C12orf54: variants seen among roughly 807,000 people sequenced by gnomAD.
C12orf54 encodes chromosome 12 open reading frame 54.
Under a neutral mutation model 26.4 loss-of-function variants are expected in C12orf54, and 24 were observed. That is an observed-to-expected ratio of 0.91 (90% CI 0.66 to 1.28). The LOEUF is 1.28. Among genes scored for constraint, C12orf54 ranks in the 50% most tolerant of loss-of-function variants. The pLI is 0.00. For synonymous variants in C12orf54, 54 were observed against 47.0 expected (o/e 1.15, Z -0.61); for missense variants, 154 against 150.9 (o/e 1.02, Z -0.11).
the C12orf54 span, among the ~76,000 whole-genome samples, chr12:48,467,395 C>CA: frequency 9.2e-5 from 14 of 152,060 alleles, no homozygotes; most frequent in Admixed American, 2.6e-4. Flanking sequence ...AATTTTGTGG[C>CA]AATTTGTTAT....
the C12orf54 span, among the ~76,000 whole-genome samples, chr12:48,436,475 C>A: frequency 9.2e-5 from 14 of 152,130 alleles, no homozygotes; most frequent in Admixed American, 2.0e-4. Flanking sequence ...AGCACCACAC[C>A]ACACCTATTC....
the C12orf54 span, among the ~76,000 whole-genome samples, chr12:48,462,974 C>T: frequency 6.6e-6 from 1 of 151,936 alleles, no homozygotes; most frequent in East Asian, 1.9e-4. Context: ...TCATAGACAA[C>T]ATGATCATCT....
At chr12:48,429,532 G>A in the C12orf54 span, among the ~76,000 whole-genome samples, 1 of 151,566 alleles carries the variant, frequency 6.6e-6, no homozygotes, top group African/African-American at 2.4e-5. Context: ...CAGCAACCAA[G>A]CAGAGAATCA....
At chr12:48,488,362 C>T in intron 4 of C12orf54, 1 of 508,076 alleles carries the variant, frequency 2.0e-6, no homozygotes, top group Admixed American at 2.4e-5. Context: ...GACAAGAAAG[C>T]CAAGGCTGGG....
At chr12:48,485,899 G>A (rs183177996) in intron 2 of C12orf54, among the ~76,000 whole-genome samples, 5 of 152,206 alleles carry the variant, frequency 3.3e-5, no homozygotes, top group Admixed American at 3.3e-4. Flanking sequence ...AGAATGACAA[G>A]GTTTAATGAC....
the C12orf54 span, among the ~76,000 whole-genome samples, chr12:48,436,015 T>A: frequency 1.8e-4 from 28 of 152,064 alleles, no homozygotes; most frequent in African/African-American, 6.8e-4. Flanking sequence ...AGGAAACCCA[T>A]CTCACATGCA....
At chr12:48,419,796 C>T in the C12orf54 span, among the ~76,000 whole-genome samples, 2 of 152,174 alleles carry the variant, frequency 1.3e-5, no homozygotes, top group Non-Finnish European at 2.9e-5. Context: ...GACCCATTAA[C>T]AAATGCCCCA....
At chr12:48,459,800 T>A in the C12orf54 span, among the ~76,000 whole-genome samples, 10,541 of 152,132 alleles carry the variant, frequency 0.069, 1,224 homozygotes, top group African/African-American at 0.24. Flanking sequence ...TCCAGCAGAA[T>A]CGCACAGGAA....
the C12orf54 span, among the ~76,000 whole-genome samples, chr12:48,440,286 C>T: frequency 1.3e-5 from 2 of 152,054 alleles, no homozygotes; most frequent in East Asian, 3.9e-4. Flanking sequence ...TGTCCTTGTT[C>T]TCTTTGAGTT....
At chr12:48,436,668 C>T in the C12orf54 span, among the ~76,000 whole-genome samples, 9 of 152,018 alleles carry the variant, frequency 5.9e-5, no homozygotes, top group South Asian at 2.1e-4. Flanking sequence ...GGGTACATAA[C>T]GAAATCAAGG....
the C12orf54 span, among the ~76,000 whole-genome samples, chr12:48,414,647 C>G: frequency 6.6e-6 from 1 of 152,132 alleles, no homozygotes; most frequent in Non-Finnish European, 1.5e-5. Context: ...CAGGCTGGCC[C>G]TTGGAGAAGG....
Position 48,491,649 on chromosome 12 carries a change from G to C in C12orf54, c.193+813G>C, listed in dbSNP as rs1257562022. 2.0e-5 allele frequency among the ~76,000 whole-genome samples: 3 copies of C among 152,126 alleles called. No homozygotes were observed. The East Asian group carries it at 5.8e-4, about 29-fold the overall frequency. ...ATAGAATGGCAGGGAGGCTAGAATGGAATGATTATTCTGGGTGGTCAAGTT... is the reference window on the plus strand; with the variant it reads ...ATAGAATGGCAGGGAGGCTAGAATGCAATGATTATTCTGGGTGGTCAAGTT... On this transcript the variant is annotated intron_variant, in intron 6 of 8. Coordinates refer to ENST00000548364, the MANE Select transcript of C12orf54 (RefSeq NM_152319.4).
At chr12:48,492,792 C>T in intron 6 of C12orf54, 155 bp from the exon 7 acceptor site, 1 of 638,230 alleles carries the variant, frequency 1.6e-6, no homozygotes, top group Admixed American at 2.3e-5. Context: ...CATTCTGCAA[C>T]TGCCTCTCTG....
the C12orf54 span, among the ~76,000 whole-genome samples, chr12:48,467,585 A>G: frequency 6.6e-6 from 1 of 152,178 alleles, no homozygotes; most frequent in Non-Finnish European, 1.5e-5. Context: ...GAAAATACAT[A>G]ACATTCTATT....
At chr12:48,444,752 T>C in the C12orf54 span, among the ~76,000 whole-genome samples, 2 of 152,162 alleles carry the variant, frequency 1.3e-5, no homozygotes, top group Admixed American at 6.5e-5. Context: ...ATACAATCAG[T>C]TGGAGTCAGC....
chr12:48,487,629 T>C (rs903607388), intron 4 of C12orf54, among the ~76,000 whole-genome samples: 4 of 152,194 alleles, frequency 2.6e-5, no homozygotes, highest in African/African-American at 9.7e-5. Flanking sequence ...ATCAGGCACT[T>C]ATAACAAAGA....
chr12:48,478,092 C>T (rs1008191413), upstream of C12orf54, among the ~76,000 whole-genome samples: 1 of 152,180 alleles, frequency 6.6e-6, no homozygotes, highest in South Asian at 2.1e-4. Flanking sequence ...GCTGGTTCAA[C>T]ATACACAAAT....
chr12:48,469,959 C>T, the C12orf54 span, among the ~76,000 whole-genome samples: 1 of 152,162 alleles, frequency 6.6e-6, no homozygotes, highest in African/African-American at 2.4e-5. Flanking sequence ...ATTTTCTGTT[C>T]CTGCATTAAT....
the C12orf54 span, among the ~76,000 whole-genome samples, chr12:48,453,231 G>A: frequency 6.6e-6 from 1 of 152,070 alleles, no homozygotes; most frequent in Non-Finnish European, 1.5e-5. Context: ...GCAAACTAAT[G>A]CAGGAACAGA....
Sources: gnomAD v4.1 joint callset for allele counts (sites outside exome capture counted in the v4.1 genomes callset) on GRCh38, gnomAD v4.1.1 for gene constraint, MANE v1.5 for transcripts, NCBI Gene and HGNC (gene_info 2026-07-23, HGNC 2026-07-21) for gene names.